JPH2: variants seen among roughly 807,000 people sequenced by gnomAD.
JPH2 encodes junctophilin-2.
JPH2 carries 38 observed loss-of-function variants against 55.9 expected under a neutral mutation model. The ratio of observed to expected loss-of-function variants is 0.68; its 90% confidence interval spans 0.52 to 0.89. JPH2 has a LOEUF of 0.89. JPH2 is among the 40% of genes least tolerant of loss of function. The pLI, the probability that JPH2 is intolerant of heterozygous loss-of-function variation, is 0.00. For missense variants in JPH2, 964 were observed against 1,037.6 expected, an observed-to-expected ratio of 0.93 and a Z score of 0.97; for synonymous variants, 480 against 472.4, an observed-to-expected ratio of 1.02 and a Z score of -0.21.
At chr20:44,132,347 GACAGACAGACACACACACAC>G (rs1171448781) in intron 2 of JPH2, among the ~76,000 whole-genome samples, 105 of 88,812 alleles carry the variant, frequency 1.2e-3, no homozygotes, top group Middle Eastern at 5.0e-3. Flanking sequence ...AAGGGAGGCA[GACAGACAGACACACACACAC>G]ACACACACAC....
rs558292729 is a variant in JPH2, at chr20:44,124,653, T to TA, written c.1170-6031dup. On this transcript the variant is annotated intron_variant, in intron 2 of 5. Transcript: ENST00000372980. ...ACACAGCAAGATCCCAACTCTATCT[T>TA]AAAAAAAAAAGTAAAAAAGAAAGAA... Among the ~76,000 whole-genome samples, 78 of 143,472 alleles carry TA rather than the reference T, an allele frequency of 5.4e-4. 1 individual carries two copies. The South Asian group carries it at 9.4e-3, about 17-fold the overall frequency. The allele number at this position is 143,472 out of a possible 152,430, so 94.1% of individuals were successfully genotyped here. A position where few individuals can be genotyped will look rare whatever the true frequency, so the allele number is the denominator to read the frequency against.
rs779834859 is a variant in JPH2, at chr20:44,123,426, C to CTCCTACACA, written c.1170-4804_1170-4803insTGTGTAGGA. 5.5e-3 allele frequency among the ~76,000 whole-genome samples: 831 copies of CTCCTACACA among 152,342 alleles called. 4 individuals are homozygous for CTCCTACACA. Among genetic ancestry groups the CTCCTACACA allele is most frequent in the Non-Finnish European group, 8.5e-3 (576 of 68,020 alleles). ...CTCCTACAGCTGCTCCTACACACAGCGGCTCAGCGAGCTTGCTTAACCACA... is the reference window on the plus strand; with the variant it reads ...CTCCTACAGCTGCTCCTACACACAGCTCCTACACAGGCTCAGCGAGCTTGCTTAACCACA... On this transcript the variant is annotated intron_variant, in intron 2 of 5. Transcript: ENST00000372980.
intron 2 of JPH2, among the ~76,000 whole-genome samples, chr20:44,146,235 G>A (rs954229360): frequency 2.0e-5 from 3 of 151,896 alleles, no homozygotes; most frequent in African/African-American, 4.8e-5. Context: ...GGGTTTCACC[G>A]TGTTAGCCAG....
chr20:44,110,945 G>A lies in JPH2; in HGVS notation c.*2573C>T, dbSNP rs2072137908. On this transcript the variant is annotated 3_prime_UTR_variant, in exon 6 of 6. Coordinates refer to ENST00000372980, the MANE Select transcript of JPH2 (RefSeq NM_020433.5). ...GAGGACAGGGTGTGCCTGAACTCGA[G>A]CCTACTGTTGGTTGAGGGACCTTCT... Among the ~76,000 whole-genome samples, 1 of 152,186 alleles carries A rather than the reference G, an allele frequency of 6.6e-6. No individual in the cohort carries two copies. Among genetic ancestry groups the A allele is most frequent in the African/African-American group, 2.4e-5 (1 of 41,448 alleles).
At chr20:44,135,564 T>C (rs1045861919) in intron 2 of JPH2, among the ~76,000 whole-genome samples, 1 of 152,192 alleles carries the variant, frequency 6.6e-6, no homozygotes, top group African/African-American at 2.4e-5. Context: ...CAAGGTCACT[T>C]TGTCTTCCTC....
At chr20:44,144,099 A>G (rs2072477277) in intron 2 of JPH2, among the ~76,000 whole-genome samples, 1 of 152,064 alleles carries the variant, frequency 6.6e-6, no homozygotes, top group Non-Finnish European at 1.5e-5. Context: ...CAAAGGGGTT[A>G]TTTTTAGAGA....
At chr20:44,167,662 G>C (rs1430985944) in intron 1 of JPH2, among the ~76,000 whole-genome samples, 1 of 152,140 alleles carries the variant, frequency 6.6e-6, no homozygotes, top group Non-Finnish European at 1.5e-5. Flanking sequence ...TTGCTCTTCT[G>C]GTGAGTATAG....
chr20:44,168,533 C>A (rs6130550), intron 1 of JPH2, among the ~76,000 whole-genome samples: 18,863 of 152,144 alleles, frequency 0.12, 1,384 homozygotes, highest in East Asian at 0.24. Flanking sequence ...CCTTGACCTG[C>A]AGACAAAAGA....
In JPH2 at chr20:44,116,023, G is replaced by A. The variant is rs760091886; in HGVS notation, c.1652C>T (p.Pro551Leu). The change falls in exon 4 of 6, where the codon CCG becomes CTG. Residue 551 changes from proline to leucine, a missense_variant. Physicochemically the swap from Pro to Leu is moderately conservative, Grantham distance 98. Coordinates refer to ENST00000372980, the MANE Select transcript of JPH2 (RefSeq NM_020433.5). ...CTCCGGCTCCCGCGACGGCGCAGGC[G>A]GTGCCTGCAGAGCCTCGATGGCCAT... ...ERMAIEALQA[P>L]PAPSREPEVA... is the part of the protein sequence containing the mutation. The A allele has an allele frequency of 7.6e-6, 12 of 1,580,276 alleles. No individual in the cohort carries two copies. The highest frequency in any genetic ancestry group is 4.6e-5 in the East Asian group (2 of 43,868).
chr20:44,133,900 ATAAATAAATATACATTATAATATAT>A (rs2072344257), intron 2 of JPH2, among the ~76,000 whole-genome samples: 1 of 26,008 alleles, frequency 3.8e-5, no homozygotes, highest in African/African-American at 1.6e-4. Context: ...ATAAATATAT[ATAAATAAATATACATTATAATATAT>A]AAATATATAT....
At chr20:44,120,293 A>C (rs1171278929) in intron 2 of JPH2, among the ~76,000 whole-genome samples, 2 of 152,150 alleles carry the variant, frequency 1.3e-5, no homozygotes, top group African/African-American at 2.4e-5. Context: ...CCCTTCCCAC[A>C]GCCCCACAGT....
chr20:44,165,974 T>G (rs1188162852), intron 1 of JPH2, among the ~76,000 whole-genome samples: 1 of 152,206 alleles, frequency 6.6e-6, no homozygotes, highest in African/African-American at 2.4e-5. Context: ...TTTCTTGTGT[T>G]ATTGACCATC....
chr20:44,159,602 C>A lies in JPH2; in HGVS notation c.1169+16G>T, dbSNP rs375515254. On this transcript the variant is annotated intron_variant, in intron 2 of 5. Coordinates refer to ENST00000372980, the MANE Select transcript of JPH2 (RefSeq NM_020433.5). This position sits in a 1 kb window ranked among gnomAD's most constrained non-coding sequence, Gnocchi z 5.7. ...CGAGGGGAGGCGACCCCTTCCCACC[C>A]CCACCGCTGTCCTACCTGGAGGCGG... 3.1e-6 allele frequency: 5 copies of A among 1,595,010 alleles called. No individual in the cohort carries two copies. The African/African-American group carries it at 6.7e-5, about 21-fold the overall frequency.
Position 44,186,974 on chromosome 20 carries a change from T to G in JPH2, c.-269A>C. 1 of 564,216 alleles carries G rather than the reference T, an allele frequency of 1.8e-6. No individual in the cohort carries two copies. The highest frequency in any genetic ancestry group is 3.0e-5 in the East Asian group (1 of 33,532). 35.0% of individuals were successfully genotyped at this position (564,216 alleles called of 1,614,324 possible). On this transcript the variant is annotated 5_prime_UTR_variant, in exon 1 of 6. Coordinates refer to ENST00000372980, the MANE Select transcript of JPH2 (RefSeq NM_020433.5). ...CTGGAAAGAAAGCAGGAAGGAAAGG[T>G]TCAAAGTCCCCACAAAGCGTCCCAA...
At chr20:44,133,242 C>T (rs6073347) in intron 2 of JPH2, among the ~76,000 whole-genome samples, 22,232 of 148,320 alleles carry the variant, frequency 0.15, 1,956 homozygotes, top group South Asian at 0.2. Context: ...CCCAATTAAA[C>T]CCTTGCAATA....
chr20:44,178,032 G>A (rs2072749250), intron 1 of JPH2: 4 of 807,354 alleles, frequency 5.0e-6, no homozygotes, highest in South Asian at 1.3e-5. Context: ...AGGTTCATAT[G>A]GTTAAGAACC....
In JPH2 at chr20:44,111,133, C is replaced by G. The variant is rs1308415090; in HGVS notation, c.*2385G>C. ...AGCCTCTGTGGAATGTGGCGATCCC[C>G]TCAGGCTCCCCCACTGATTGAGATA... On this transcript the variant is annotated 3_prime_UTR_variant, in exon 6 of 6. Coordinates refer to ENST00000372980, the MANE Select transcript of JPH2 (RefSeq NM_020433.5). Among the ~76,000 whole-genome samples, 1 of 152,228 alleles carries G rather than the reference C, an allele frequency of 6.6e-6. No homozygotes were observed. Among genetic ancestry groups the G allele is most frequent in the East Asian group, 1.9e-4 (1 of 5,188 alleles).
At chr20:44,118,662 A>G in intron 2 of JPH2, 39 bp from the exon 3 acceptor site, 2 of 1,529,310 alleles carry the variant, frequency 1.3e-6, no homozygotes, top group Non-Finnish European at 9.0e-7. Context: ...GGATCCTTCC[A>G]GAGAACCAGC....
chr20:44,169,367 G>A (rs568342676), intron 1 of JPH2, among the ~76,000 whole-genome samples: 21 of 151,952 alleles, frequency 1.4e-4, no homozygotes, highest in Non-Finnish European at 1.9e-4. Context: ...TAGTAGAGAC[G>A]GGGTTTTTCA....
Sources: gnomAD v4.1 joint callset for allele counts (sites outside exome capture counted in the v4.1 genomes callset) on GRCh38, gnomAD v4.1.1 for gene constraint, Gnocchi (gnomAD v3.1) non-coding constraint, MANE v1.5 for transcripts, NCBI Gene and HGNC (gene_info 2026-07-23, HGNC 2026-07-21) for gene names.